FAM161B: variants seen among roughly 807,000 people sequenced by gnomAD.
FAM161B encodes FAM161 centrosomal protein B, also known as protein FAM161B.
In FAM161B, 46 loss-of-function variants were observed where a neutral mutation model predicts 61.5. The observed-to-expected ratio is 0.75, with a 90% CI of 0.59 to 0.96. FAM161B has a LOEUF of 0.96. Ranked by LOEUF, FAM161B falls within the 40% of genes least tolerant of loss-of-function variation. The pLI is 0.00. For missense variants in FAM161B, 774 were observed against 800.7 expected (o/e 0.97, Z 0.40); for synonymous variants, 284 against 302.7 (o/e 0.94, Z 0.64).
chr14:73,937,892 A>G, intron 6 of FAM161B, 56 bp downstream of exon 6: 2 of 1,605,658 alleles, frequency 1.2e-6, no homozygotes, highest in Admixed American at 3.4e-5. Flanking sequence ...GCAATAGGCC[A>G]GTGGTCTGTT....
chr14:73,947,902 T>C (rs980884916), intron 1 of FAM161B, among the ~76,000 whole-genome samples: 3 of 148,500 alleles, frequency 2.0e-5, no homozygotes, highest in Non-Finnish European at 3.0e-5. Context: ...TGGGGACAAT[T>C]TAGTTAAGCG....
chr14:73,935,089 A>G (rs1008222784), intron 8 of FAM161B, among the ~76,000 whole-genome samples: 4 of 151,500 alleles, frequency 2.6e-5, no homozygotes, highest in African/African-American at 9.7e-5. Flanking sequence ...CATTATTACT[A>G]TTTTATATGG....
Position 73,934,656 on chromosome 14 carries a change from AG to A in FAM161B, c.1806-263del, listed in dbSNP as rs1263525682. ...GAGACAGGGTTTTGCCATGTTGCCC[AG>A]GCTGGTCTCAAACTCCTGGGCTCAA... On this transcript the variant is annotated intron_variant, in intron 8 of 8. Coordinates refer to ENST00000286544, the MANE Select transcript of FAM161B (RefSeq NM_152445.3). Among the ~76,000 whole-genome samples, 4 of 150,640 alleles carry A rather than the reference AG, an allele frequency of 2.7e-5. No individual in the cohort carries two copies. The East Asian group carries it at 7.8e-4, about 30-fold the overall frequency.
At chr14:73,947,698 T>G (rs576094631) in intron 1 of FAM161B, among the ~76,000 whole-genome samples, 4 of 152,312 alleles carry the variant, frequency 2.6e-5, no homozygotes, top group African/African-American at 9.6e-5. Flanking sequence ...GCTTTTTGGT[T>G]GATAAAGTCC....
chr14:73,944,517 C>T lies in FAM161B; in HGVS notation c.743G>A (p.Arg248Lys), dbSNP rs772574655. The T allele has an allele frequency of 8.7e-6, 14 of 1,614,026 alleles. No homozygotes were observed. The highest frequency in any genetic ancestry group is 1.1e-5 in the Non-Finnish European group (13 of 1,180,040). ...EARRQAGIQKRKELLLSSLKP... is the reference protein window; with the variant it reads ...EARRQAGIQKKKELLLSSLKP... ...CAAAGAAGAGAGGAGCAGTTCCTTC[C>T]TCTTCTGGATCCCTGCCTGCCTTCG... Residue 248 changes from arginine (R) to lysine (K), a missense_variant, in exon 3 of 9, where the codon AGG (arginine) becomes AAG (lysine). Arg to Lys is a conservative substitution (Grantham distance 26). Transcript: ENST00000286544.
rs1485296468 is a variant in FAM161B at position 73,942,686 on chromosome 14, G to GA, written c.954_955insT (p.Gln319SerfsTer19). 6.2e-7 allele frequency: 1 copy of GA among 1,613,636 alleles called. No homozygotes were observed. Among genetic ancestry groups the GA allele is most frequent in the Non-Finnish European group, 8.5e-7 (1 of 1,179,664 alleles). ...TGGAGCATGTCCAGGGCTCTCATTTGGATGCGAATTTTCCTGAAGAGCTCA... is the reference window on the plus strand; with the variant it reads ...TGGAGCATGTCCAGGGCTCTCATTTGAGATGCGAATTTTCCTGAAGAGCTCA... On this transcript the variant is annotated frameshift_variant, in exon 4 of 9. Coordinates refer to ENST00000286544, the MANE Select transcript of FAM161B (RefSeq NM_152445.3). LOFTEE classifies it high-confidence loss of function.
intron 8 of FAM161B, among the ~76,000 whole-genome samples, chr14:73,935,260 A>G (rs11159048): frequency 0.49 from 74,402 of 151,496 alleles, 18,450 homozygotes; most frequent in South Asian, 0.61. Context: ...GGGCGCGGTC[A>G]CTCACGCCTG....
chr14:73,937,204 C>G (rs927542330), intron 7 of FAM161B, among the ~76,000 whole-genome samples: 2 of 152,174 alleles, frequency 1.3e-5, no homozygotes, highest in Non-Finnish European at 2.9e-5. Flanking sequence ...TACCACAGCT[C>G]TAGAGGCTGG....
In FAM161B at chr14:73,936,004, C is replaced by T. The variant is rs1273560354; in HGVS notation, c.1750G>A (p.Gly584Ser). The T allele has an allele frequency of 6.8e-6, 11 of 1,613,490 alleles. No homozygotes were observed. Among genetic ancestry groups the T allele is most frequent in the Non-Finnish European group, 9.3e-6 (11 of 1,179,722 alleles). Residue 584 changes from glycine (G) to serine (S), a missense_variant, in exon 8 of 9, where the codon GGT (glycine) becomes AGT (serine). Gly to Ser is a moderately conservative substitution (Grantham distance 56). Transcript: ENST00000286544. ...TCTTGAACAGCCCGGGTGCCTTGAC[C>T]CTTGTTTCTCACAAAGTCTTCCTCC... ...GLEEDFVRNK[G>S]QGTRAVQEKE... is the part of the protein sequence containing the mutation.
Position 73,948,354 on chromosome 14 carries a change from T to G in FAM161B, c.54+1619A>C, listed in dbSNP as rs143182898. On this transcript the variant is annotated intron_variant, in intron 1 of 8. Coordinates refer to ENST00000286544, the MANE Select transcript of FAM161B (RefSeq NM_152445.3). ...TTATGGCCCTGAGAGAAACACTGTT[T>G]CCTGATGCTCTTGCCGTTGGCATTA... is the stretch of plus-strand genomic sequence containing the variant. Among the ~76,000 whole-genome samples the G allele has an allele frequency of 5.7e-3, 862 of 152,362 alleles. 7 individuals are homozygous for G. Among genetic ancestry groups the G allele is most frequent in the African/African-American group, 0.02 (824 of 41,578 alleles).
chr14:73,927,028 T>C (rs748595370), downstream of FAM161B: 20 of 154,814 alleles, frequency 1.3e-4, no homozygotes, highest in Non-Finnish European at 2.3e-4. Context: ...AGATCTATTT[T>C]TCATTAAGGC....
intron 8 of FAM161B, among the ~76,000 whole-genome samples, chr14:73,934,727 G>A (rs373715182): frequency 2.6e-5 from 4 of 151,988 alleles, no homozygotes; most frequent in African/African-American, 4.8e-5. Flanking sequence ...GATTACAGGC[G>A]TGAGCCACCG....
Position 73,944,391 on chromosome 14 carries a change from G to A in FAM161B, c.869C>T (p.Ala290Val). 1 of 1,606,742 alleles carries A rather than the reference G, an allele frequency of 6.2e-7. No individual in the cohort carries two copies. The highest frequency in any genetic ancestry group is 8.5e-7 in the Non-Finnish European group (1 of 1,174,144). ...TAEAKISKQK[A>V]TRRIPKSILE... ...AATGGACTTGGGAATCCTTCTGGTG[G>A]CCTTCTGCTTGGAGATCTTGGCTTC... The change falls in exon 3 of 9, where the codon GCC becomes GTC. Residue 290 changes from alanine to valine, a missense_variant. By Grantham distance (64) the Ala-to-Val change is moderately conservative (BLOSUM62 0). Coordinates refer to ENST00000286544, the MANE Select transcript of FAM161B (RefSeq NM_152445.3).
At chr14:73,931,577 T>G, downstream of FAM161B, 1 of 1,603,476 alleles carries the variant, frequency 6.2e-7, no homozygotes, top group South Asian at 1.1e-5. Context: ...CAACTCTATC[T>G]GATCTCAAAA....
rs1417153890 is a variant in FAM161B, at chr14:73,946,282, T to C, written c.374+4A>G. On this transcript the variant is annotated splice_donor_region_variant and intron_variant, in intron 2 of 8. Transcript: ENST00000286544. ...GAGGCAGCCGTGGAGCTGCAGTGCC[T>C]TACCTCAGAGCCTGCGGGCACTGGA... 1 of 1,610,244 alleles carries C rather than the reference T, an allele frequency of 6.2e-7. No homozygotes were observed. The highest frequency in any genetic ancestry group is 2.2e-5 in the East Asian group (1 of 44,820).
At chr14:73,942,278 C>T in intron 4 of FAM161B, 91 bp downstream of exon 4, 1 of 1,328,670 alleles carries the variant, frequency 7.5e-7, no homozygotes, top group Non-Finnish European at 1.0e-6. Flanking sequence ...GATAGGAAAA[C>T]CTTGTTGAGA....
At position 73,935,800 on chromosome 14, in the gene FAM161B, T is replaced by G. The variant is rs189851666; in HGVS notation, c.1805+149A>C. On this transcript the variant is annotated intron_variant, in intron 8 of 8. Coordinates refer to ENST00000286544, the MANE Select transcript of FAM161B (RefSeq NM_152445.3). Reference sequence around the variant, plus strand: ...CACTCTCTAAATTCAAATGTGTTACTTGGAGATCTCTGGATTACTTATTAA... The same window carrying G: ...CACTCTCTAAATTCAAATGTGTTACGTGGAGATCTCTGGATTACTTATTAA... 16 of 807,696 alleles carry G rather than the reference T, an allele frequency of 2.0e-5. No homozygotes were observed. The African/African-American group carries it at 2.4e-4, about 12-fold the overall frequency. The allele number at this position is 807,696 out of a possible 1,614,324, so 50.0% of individuals were successfully genotyped here. A position where few individuals can be genotyped will look rare whatever the true frequency, so the allele number is the denominator to read the frequency against.
At chr14:73,944,972 C>T in intron 2 of FAM161B, 87 bp from the exon 3 acceptor site, 1 of 1,164,240 alleles carries the variant, frequency 8.6e-7, no homozygotes, top group Non-Finnish European at 1.1e-6. Flanking sequence ...CCTCCCTTCC[C>T]ACTGGTCACA....
chr14:73,940,752 C>T (rs1488847073), intron 5 of FAM161B, among the ~76,000 whole-genome samples, 174 bp downstream of exon 5: 3 of 152,254 alleles, frequency 2.0e-5, no homozygotes, highest in Admixed American at 2.0e-4. Flanking sequence ...TGATGGCTAG[C>T]TGTTCTCCAA....
Sources: allele counts gnomAD v4.1 joint callset (sites outside exome capture counted in the v4.1 genomes callset), GRCh38; gene constraint gnomAD v4.1.1; transcripts MANE v1.5; gene names NCBI Gene and HGNC (gene_info 2026-07-23, HGNC 2026-07-21).